CDK13: variants seen among roughly 807,000 people sequenced by gnomAD.
The protein encoded by CDK13 is cyclin dependent kinase 13.
Under a neutral mutation model 137.6 loss-of-function variants are expected in CDK13, and 40 were observed. That is an observed-to-expected ratio of 0.29 (90% CI 0.23 to 0.38). The LOEUF (loss-of-function observed/expected upper bound fraction) is 0.38. CDK13 is among the 10% of genes least tolerant of loss of function. CDK13 has a pLI of 1.00. For synonymous variants in CDK13, 869 were observed against 760.1 expected, an observed-to-expected ratio of 1.14 and a Z score of -2.36; for missense variants, 1,704 against 1,951.8, an observed-to-expected ratio of 0.87 and a Z score of 2.39.
chr7:39,998,442 CCAAAAAAAAAA>C (rs140702496), intron 3 of CDK13: 31 of 72,628 alleles, frequency 4.3e-4, no homozygotes, highest in East Asian at 2.5e-3. Flanking sequence ...CCCATCTCTA[CCAAAAAAAAAA>C]AAAAAAAAAA....
At chr7:39,983,313 G>A (rs1784268668) in intron 1 of CDK13, among the ~76,000 whole-genome samples, 1 of 152,060 alleles carries the variant, frequency 6.6e-6, no homozygotes, top group African/African-American at 2.4e-5. Flanking sequence ...AGTAGAGATG[G>A]GGTTTCACCA....
intron 9 of CDK13, among the ~76,000 whole-genome samples, chr7:40,076,412 T>C (rs1240041246): frequency 6.6e-6 from 1 of 152,118 alleles, no homozygotes; most frequent in Non-Finnish European, 1.5e-5. Context: ...ATATAGAATT[T>C]AGGGAGAAGG....
intron 6 of CDK13, 31 bp from the exon 7 acceptor site, chr7:40,047,790 C>T: frequency 6.7e-7 from 1 of 1,501,208 alleles, no homozygotes; most frequent in Non-Finnish European, 9.3e-7. Flanking sequence ...TAAATTAATA[C>T]CTTTTGTTCA....
At position 40,099,568 on chromosome 7, in the gene CDK13, C is replaced by T. The variant is rs958968482; in HGVS notation, c.*4588C>T. The T allele has an allele frequency of 2.0e-5, 3 of 151,970 alleles. No individual in the cohort carries two copies. The highest frequency in any genetic ancestry group is 1.9e-4 in the East Asian group (1 of 5,182). 9.4% of individuals were successfully genotyped at this position (151,970 alleles called of 1,614,324 possible). ...ATTCAATAGTCTGTAAATAAATTGC[C>T]GTAACACTCCCAGGCCATTTTTCAG... On this transcript the variant is annotated 3_prime_UTR_variant, in exon 14 of 14. Coordinates refer to ENST00000181839, the MANE Select transcript of CDK13 (RefSeq NM_003718.5).
Position 39,950,964 on chromosome 7 carries a change from G to C in CDK13, c.323G>C (p.Gly108Ala). ...GGAGGGCGGCAGAAGCGGCGTCGCG[G>C]GCCCCGCGCCGGGCAGGAGGCGGAG... ...RAGGRQKRRR[G>A]PRAGQEAEKR... The change falls in exon 1 of 14, where the codon GGG (glycine) becomes GCG (alanine). Residue 108 changes from glycine to alanine, a missense_variant. By Grantham distance (60) the Gly-to-Ala change is moderately conservative (BLOSUM62 0). Transcript: ENST00000181839. The C allele has an allele frequency of 7.6e-7, 1 of 1,314,996 alleles. No individual in the cohort carries two copies. The highest frequency in any genetic ancestry group is 9.6e-7 in the Non-Finnish European group (1 of 1,037,402). The allele number at this position is 1,314,996 out of a possible 1,614,324, so 81.5% of individuals were successfully genotyped here. A position where few individuals can be genotyped will look rare whatever the true frequency, so the allele number is the denominator to read the frequency against.
At position 39,958,693 on chromosome 7, in the gene CDK13, GT is replaced by G. The variant is rs1309122125; in HGVS notation, c.1211+6851del. Among the ~76,000 whole-genome samples the G allele has an allele frequency of 2.5e-4, 36 of 143,532 alleles. No homozygotes were observed. In the East Asian group the frequency reaches 6.8e-3, roughly 27 times the overall value. The allele number at this position is 143,532 out of a possible 152,430, so 94.2% of individuals were successfully genotyped here. On this transcript the variant is annotated intron_variant, in intron 1 of 13. Transcript: ENST00000181839. ...TCCACTTTGATAAATTCTTAGTTTT[GT>G]TTTTTTTTTAATTTTTGCTATGTGT...
intron 1 of CDK13, among the ~76,000 whole-genome samples, chr7:39,964,631 G>A (rs1283054524): frequency 6.7e-6 from 1 of 149,160 alleles, no homozygotes; most frequent in Non-Finnish European, 1.5e-5. Context: ...ATTTCCTTCA[G>A]TTCTGCTCTG....
chr7:39,975,393 C>G (rs1784084528), intron 1 of CDK13, among the ~76,000 whole-genome samples: 1 of 152,024 alleles, frequency 6.6e-6, no homozygotes, highest in African/African-American at 2.4e-5. Context: ...GCCTGGGCAA[C>G]AGAGTGAGAC....
At position 39,951,615 on chromosome 7, in the gene CDK13, G is replaced by A. The variant is rs766551016; in HGVS notation, c.974G>A (p.Ser325Asn). ...AGCCCACTGGGAGGCCGGGACGACA[G>A]CCCGGTGTCCCACAGGGCCTCTCAG... ...SLSPLGGRDD[S>N]PVSHRASQSL... Residue 325 changes from serine (S) to asparagine (N), a missense_variant, in exon 1 of 14, where the codon AGC becomes AAC. Transcript: ENST00000181839. The A allele has an allele frequency of 1.3e-6, 2 of 1,483,466 alleles. No individual in the cohort carries two copies. Among genetic ancestry groups the A allele is most frequent in the South Asian group, 2.7e-5 (2 of 74,482 alleles). The allele number at this position is 1,483,466 out of a possible 1,614,324, so 91.9% of individuals were successfully genotyped here.
chr7:39,985,730 A>T (rs1784322965), intron 1 of CDK13: 1 of 152,164 alleles, frequency 6.6e-6, no homozygotes, highest in South Asian at 2.1e-4. Flanking sequence ...ATAGAATCCA[A>T]CTCAGATCTT....
intron 2 of CDK13, among the ~76,000 whole-genome samples, chr7:39,997,241 T>C (rs1784584196): frequency 6.6e-6 from 1 of 152,156 alleles, no homozygotes; most frequent in Non-Finnish European, 1.5e-5. Context: ...GATACAAAGT[T>C]ATCATTAAAG....
At chr7:39,986,886 C>T (rs1267002327) in intron 1 of CDK13, 1 of 152,138 alleles carries the variant, frequency 6.6e-6, no homozygotes. Flanking sequence ...CTCCCAGGTT[C>T]AAGTAATTCT....
At chr7:40,047,995 T>C in intron 7 of CDK13, 118 bp downstream of exon 7, 1 of 615,686 alleles carries the variant, frequency 1.6e-6, no homozygotes, top group East Asian at 2.6e-5. Context: ...TCATGGTTAG[T>C]ACATAAAACA....
rs1383787634 is a variant in CDK13, at chr7:39,951,574, G to C, written c.933G>C (p.Arg311Ser). ...REDKTEPKAY[R>S]RRRSLSPLGG... ...ACAAGACCGAGCCTAAGGCCTACAG[G>C]CGGCGGCGGTCCCTCAGCCCACTGG... The change falls in exon 1 of 14, where the codon AGG becomes AGC. Residue 311 changes from arginine to serine, a missense_variant. By Grantham distance (110) the Arg-to-Ser change is moderately radical. This residue lies in a region of CDK13 where 1,051 missense variants were observed against 931.0 expected (regional missense o/e 1.13). Coordinates refer to ENST00000181839, the MANE Select transcript of CDK13 (RefSeq NM_003718.5). 1.3e-6 allele frequency: 2 copies of C among 1,513,532 alleles called. No homozygotes were observed. Among genetic ancestry groups the C allele is most frequent in the Non-Finnish European group, 1.8e-6 (2 of 1,132,592 alleles). The allele number at this position is 1,513,532 out of a possible 1,614,324, so 93.8% of individuals were successfully genotyped here.
intron 6 of CDK13, among the ~76,000 whole-genome samples, chr7:40,047,012 C>CA (rs398040131): frequency 0.016 from 1,061 of 65,176 alleles, 29 homozygotes; most frequent in East Asian, 0.085. Flanking sequence ...GACTCGGTCT[C>CA]AAAAAAAAAA....
Position 39,976,323 on chromosome 7 carries a change from T to TCTCTCACACACA in CDK13, c.1212-11275_1212-11274insTCTCACACACAC. Among the ~76,000 whole-genome samples, 37 of 39,568 alleles carry TCTCTCACACACA rather than the reference T, an allele frequency of 9.4e-4. 1 individual carries two copies. Among genetic ancestry groups the TCTCTCACACACA allele is most frequent in the African/African-American group, 1.4e-3 (21 of 14,610 alleles). The allele number at this position is 39,568 out of a possible 152,430, so 26.0% of individuals were successfully genotyped here. A position where few individuals can be genotyped will look rare whatever the true frequency, so the allele number is the denominator to read the frequency against. On this transcript the variant is annotated intron_variant, in intron 1 of 13. Coordinates refer to ENST00000181839, the MANE Select transcript of CDK13 (RefSeq NM_003718.5). ...CTCTCTCTCTCTCTCTCTCTCTCTC[T>TCTCTCACACACA]CACACACACACACACACACACACAC...
At chr7:39,968,652 T>G (rs1249431572) in intron 1 of CDK13, among the ~76,000 whole-genome samples, 1 of 152,268 alleles carries the variant, frequency 6.6e-6, no homozygotes, top group Non-Finnish European at 1.5e-5. Context: ...TTGTGTTCCT[T>G]CAGTTAATGT....
intron 5 of CDK13, among the ~76,000 whole-genome samples, chr7:40,018,667 A>G (rs946332925): frequency 6.6e-6 from 1 of 152,212 alleles, no homozygotes; most frequent in Non-Finnish European, 1.5e-5. Flanking sequence ...GGAAAACCAA[A>G]TACTGTTATG....
At chr7:40,067,072 A>G (rs1158401904) in intron 9 of CDK13, among the ~76,000 whole-genome samples, 1 of 152,174 alleles carries the variant, frequency 6.6e-6, no homozygotes, top group Non-Finnish European at 1.5e-5. Context: ...TTATTCGAAG[A>G]GTTTCACTTG....
Sources: gnomAD v4.1 joint callset for allele counts (sites outside exome capture counted in the v4.1 genomes callset) on GRCh38, gnomAD v4.1.1 for gene constraint, gnomAD v4.1.1 regional missense constraint, MANE v1.5 for transcripts, NCBI Gene and HGNC (gene_info 2026-07-23, HGNC 2026-07-21) for gene names.